The following TRIM36 variants were observed in gnomAD, a reference collection of about 807,000 sequenced individuals.
The protein encoded by TRIM36 is E3 ubiquitin-protein ligase TRIM36.
Under a neutral mutation model 72.4 loss-of-function variants are expected in TRIM36, and 42 were observed. That is an observed-to-expected ratio of 0.58 (90% confidence interval 0.45 to 0.75). TRIM36 has a LOEUF of 0.75. Among genes scored for constraint, TRIM36 ranks in the 30% least tolerant of loss-of-function variants. The pLI is 0.00. For synonymous variants in TRIM36, 315 were observed against 282.8 expected, an observed-to-expected ratio of 1.11 and a Z score of -1.14; for missense variants, 913 against 857.1, an observed-to-expected ratio of 1.07 and a Z score of -0.81.
chr5:115,132,989 A>G (rs1752770025), intron 8 of TRIM36, among the ~76,000 whole-genome samples: 1 of 152,234 alleles, frequency 6.6e-6, no homozygotes, highest in Non-Finnish European at 1.5e-5. Flanking sequence ...TTTAAAAGCT[A>G]CAATGTGCAT....
At chr5:115,128,017 A>C (rs1010977638) in intron 9 of TRIM36, among the ~76,000 whole-genome samples, 5 of 151,836 alleles carry the variant, frequency 3.3e-5, no homozygotes, top group African/African-American at 1.2e-4. Flanking sequence ...CATTTTTAAC[A>C]AAAATGCTTA....
At chr5:115,146,345 G>T (rs1446622892) in intron 3 of TRIM36, among the ~76,000 whole-genome samples, 1 of 152,056 alleles carries the variant, frequency 6.6e-6, no homozygotes, top group Non-Finnish European at 1.5e-5. Context: ...ACTTAAAAAT[G>T]CAAGTAGATT....
chr5:115,175,755 T>C (rs549795722), intron 1 of TRIM36, among the ~76,000 whole-genome samples: 15 of 152,158 alleles, frequency 9.9e-5, no homozygotes, highest in Non-Finnish European at 2.1e-4. Flanking sequence ...ATCTAAATCT[T>C]CTGCCTGCCT....
At position 115,126,508 on chromosome 5, in the gene TRIM36, T is replaced by TAG. The variant is rs773593772; in HGVS notation, c.2145_2146insCT (p.Met716LeufsTer4). 2 of 1,604,240 alleles carry TAG rather than the reference T, an allele frequency of 1.2e-6. No individual in the cohort carries two copies. The highest frequency in any genetic ancestry group is 1.7e-6 in the Non-Finnish European group (2 of 1,172,120). Reference sequence around the variant, plus strand: ...AGTCACATCAGATGTTTCAACTACATGTCCTCTTGGTATTCCAGATATTTT... The same window carrying TAG: ...AGTCACATCAGATGTTTCAACTACATAGGTCCTCTTGGTATTCCAGATATTTT... On this transcript the variant is annotated frameshift_variant, in exon 10 of 10. Coordinates refer to ENST00000513154, the MANE Select transcript of TRIM36 (RefSeq NM_001300759.2). LOFTEE classifies it high-confidence loss of function.
upstream of TRIM36, chr5:115,174,334 ATAAT>A (rs1268548113): frequency 6.6e-6 from 1 of 152,206 alleles, no homozygotes; most frequent in Non-Finnish European, 1.5e-5. Context: ...GGAACCCCTA[ATAAT>A]TAAGCAGCCA....
chr5:115,142,449 C>T (rs917214592), intron 4 of TRIM36, among the ~76,000 whole-genome samples: 2 of 152,112 alleles, frequency 1.3e-5, no homozygotes, highest in Admixed American at 6.6e-5. Flanking sequence ...ATGATAGCAG[C>T]TTACATTAGA....
upstream of TRIM36, among the ~76,000 whole-genome samples, chr5:115,172,167 C>T (rs2126952749): frequency 6.6e-6 from 1 of 152,284 alleles, no homozygotes; most frequent in South Asian, 2.1e-4. Flanking sequence ...CAAAGCCTCT[C>T]TTATTTTGCT....
intron 4 of TRIM36, 95 bp downstream of exon 4, chr5:115,144,503 G>A: frequency 7.0e-7 from 1 of 1,432,470 alleles, no homozygotes; most frequent in Non-Finnish European, 9.5e-7. Flanking sequence ...GTACAAAAGA[G>A]ACCATATAAC....
In TRIM36 at chr5:115,137,485, C is replaced by G. The variant is rs925240475; in HGVS notation, c.963G>C (p.Gln321His). ...GTCCCTGGTACTCTTCCATTTGAGT[C>G]TGAAATTTGTCTAATCTTAGTTTCT... ...SSKKLRLDKF[Q>H]TQMEEYQGLL... Residue 321 changes from glutamine (Q) to histidine (H), a missense_variant, in exon 6 of 10, where the codon CAG becomes CAC. Transcript: ENST00000513154. 2 of 1,614,012 alleles carry G rather than the reference C, an allele frequency of 1.2e-6. No individual in the cohort carries two copies. The highest frequency in any genetic ancestry group is 2.2e-5 in the East Asian group (1 of 44,876).
chr5:115,170,021 G>T (rs1755022787), upstream of TRIM36: 3 of 1,035,376 alleles, frequency 2.9e-6, no homozygotes, highest in Middle Eastern at 4.3e-4. Flanking sequence ...AGGCGGGGCC[G>T]CCTGGGGCTG....
chr5:115,171,011 A>G (rs758908511), upstream of TRIM36: 474 of 1,562,760 alleles, frequency 3.0e-4, 1 homozygote, highest in Non-Finnish European at 3.6e-4. Flanking sequence ...CTGGCTAGCT[A>G]AACAATTCAT....
At position 115,141,364 on chromosome 5, in the gene TRIM36, GA is replaced by G; in HGVS notation, c.745del (p.Ser249GlnfsTer14). Reference sequence around the variant, plus strand: ...ACCAATAAGGTAATCAATATCCTTTGAAAGCTTTTCCTGTTGAAACATATTC... The same window carrying G: ...ACCAATAAGGTAATCAATATCCTTTGAAGCTTTTCCTGTTGAAACATATTC... ...SAYKTLKEKL[S>X]KDIDYLIGKE... is the part of the protein sequence containing the mutation. On this transcript the variant is annotated frameshift_variant, in exon 5 of 10. Coordinates refer to ENST00000513154, the MANE Select transcript of TRIM36 (RefSeq NM_001300759.2). LOFTEE classifies it high-confidence loss of function. 6.3e-7 allele frequency: 1 copy of G among 1,589,224 alleles called. No individual in the cohort carries two copies. Among genetic ancestry groups the G allele is most frequent in the Non-Finnish European group, 8.5e-7 (1 of 1,172,126 alleles).
At chr5:115,180,041 T>G in exon 1 of TRIM36, 1 of 1,613,702 alleles carries the variant, frequency 6.2e-7, no homozygotes, top group Non-Finnish European at 8.5e-7. Flanking sequence ...CCGACATGTT[T>G]ACACCCCTTC....
chr5:115,154,753 C>T (rs1754085018), intron 2 of TRIM36, among the ~76,000 whole-genome samples: 1 of 152,142 alleles, frequency 6.6e-6, no homozygotes, highest in African/African-American at 2.4e-5. Context: ...TTCGACCAGA[C>T]ATTCAAAGAA....
At chr5:115,129,390 C>G (rs1162611480) in intron 9 of TRIM36, among the ~76,000 whole-genome samples, 2 of 151,968 alleles carry the variant, frequency 1.3e-5, no homozygotes, top group Non-Finnish European at 2.9e-5. Flanking sequence ...TGGAGAAACC[C>G]CATCTCTACT....
intron 1 of TRIM36, among the ~76,000 whole-genome samples, chr5:115,166,383 C>A (rs1005231850): frequency 1.3e-5 from 2 of 152,126 alleles, no homozygotes; most frequent in African/African-American, 4.8e-5. Context: ...CTCCTCTCCA[C>A]TGAGGACTGC....
rs1221078002 is a variant in TRIM36, at chr5:115,136,857, G to A, written c.1210+143C>T. The A allele has an allele frequency of 8.8e-6, 6 of 679,152 alleles. No individual in the cohort carries two copies. In the African/African-American group the frequency reaches 1.1e-4, roughly 13 times the overall value. 42.1% of individuals were successfully genotyped at this position (679,152 alleles called of 1,614,324 possible). ...AAATATAGTTTTAAAAACATAAATA[G>A]GATATGATTTCAGGATGCTGTGATA... On this transcript the variant is annotated intron_variant, in intron 7 of 9. Coordinates refer to ENST00000513154, the MANE Select transcript of TRIM36 (RefSeq NM_001300759.2).
Position 115,144,464 on chromosome 5 carries a change from A to T in TRIM36, c.735+134T>A, listed in dbSNP as rs1199045823. On this transcript the variant is annotated intron_variant, in intron 4 of 9. Transcript: ENST00000513154. Reference sequence around the variant, plus strand: ...AATACTAACAACCTAATATTAGTAGATCGCTAAGTAACACTTTAACTCATT... The same window carrying T: ...AATACTAACAACCTAATATTAGTAGTTCGCTAAGTAACACTTTAACTCATT... 2.8e-6 allele frequency: 3 copies of T among 1,075,284 alleles called. No individual in the cohort carries two copies. The East Asian group carries it at 7.9e-5, about 28-fold the overall frequency. 66.6% of individuals were successfully genotyped at this position (1,075,284 alleles called of 1,614,324 possible).
chr5:115,169,645 T>C lies in TRIM36; in HGVS notation c.-11A>G. ...GCCATCGCCCTCCATGGCTGCCTTC[T>C]GCCAGGTGTCATCAGCGGCACGTTC... On this transcript the variant is annotated 5_prime_UTR_variant, in exon 1 of 10. Coordinates refer to ENST00000513154, the MANE Select transcript of TRIM36 (RefSeq NM_001300759.2). 3 of 1,522,294 alleles carry C rather than the reference T, an allele frequency of 2.0e-6. No individual in the cohort carries two copies. In the South Asian group the frequency reaches 3.7e-5, roughly 19 times the overall value. The allele number at this position is 1,522,294 out of a possible 1,614,324, so 94.3% of individuals were successfully genotyped here.
Sources: gnomAD v4.1 joint callset for allele counts (sites outside exome capture counted in the v4.1 genomes callset) on GRCh38, gnomAD v4.1.1 for gene constraint, MANE v1.5 for transcripts, NCBI Gene and HGNC (gene_info 2026-07-23, HGNC 2026-07-21) for gene names.